HS3ST3B1: variants seen among roughly 807,000 people sequenced by gnomAD.
HS3ST3B1 encodes heparan sulfate glucosamine 3-O-sulfotransferase 3B1.
Under a neutral mutation model 21.3 loss-of-function variants are expected in HS3ST3B1, and 13 were observed. The observed-to-expected ratio is 0.61, with a 90% confidence interval of 0.40 to 0.97. The LOEUF is 0.97. Ranked by LOEUF, HS3ST3B1 falls within the 50% of genes least tolerant of loss-of-function variation. The pLI is 0.00. For synonymous variants in HS3ST3B1, 234 were observed against 254.8 expected, an observed-to-expected ratio of 0.92 and a Z score of 0.78; for missense variants, 459 against 554.8, an observed-to-expected ratio of 0.83 and a Z score of 1.73.
chr17:14,307,770 C>T (rs948829723), intron 1 of HS3ST3B1, among the ~76,000 whole-genome samples: 1 of 152,164 alleles, frequency 6.6e-6, no homozygotes, highest in Non-Finnish European at 1.5e-5. Context: ...GACAGAAACA[C>T]AAAATGCCTA....
At chr17:14,307,615 A>T (rs543196876) in intron 1 of HS3ST3B1, among the ~76,000 whole-genome samples, 2 of 152,316 alleles carry the variant, frequency 1.3e-5, no homozygotes, top group African/African-American at 4.8e-5. Flanking sequence ...CCAGTCAGCT[A>T]GTTTTATGAA....
rs1231259385 is a variant in HS3ST3B1 at position 14,323,705 on chromosome 17, A to T, written c.555-21323A>T. On this transcript the variant is annotated intron_variant, in intron 1 of 1. Coordinates refer to ENST00000360954, the MANE Select transcript of HS3ST3B1 (RefSeq NM_006041.3). Reference sequence around the variant, plus strand: ...TTGTGGTCAGTTGATTCCATTCCTCAGTTTGTTACCTGATAGTCCTGACTG... The same window carrying T: ...TTGTGGTCAGTTGATTCCATTCCTCTGTTTGTTACCTGATAGTCCTGACTG... 2.0e-5 allele frequency among the ~76,000 whole-genome samples: 3 copies of T among 152,132 alleles called. 1 individual carries two copies. The highest frequency in any genetic ancestry group is 7.2e-5 in the African/African-American group (3 of 41,434).
Position 14,301,386 on chromosome 17 carries a change from C to T in HS3ST3B1, c.-133C>T. On this transcript the variant is annotated 5_prime_UTR_variant, in exon 1 of 2. Transcript: ENST00000360954. ...GAAGAGCAGCAGCAGCAGCGGCGGC[C>T]GCGGGCACACGGGGGCAATAAACCG... The T allele has an allele frequency of 1.3e-6, 1 of 759,176 alleles. No homozygotes were observed. The highest frequency in any genetic ancestry group is 3.0e-5 in the South Asian group (1 of 33,136). 47.0% of individuals were successfully genotyped at this position (759,176 alleles called of 1,614,324 possible).
chr17:14,334,904 C>T (rs1361473179), intron 1 of HS3ST3B1, among the ~76,000 whole-genome samples: 1 of 152,140 alleles, frequency 6.6e-6, no homozygotes, highest in Admixed American at 6.5e-5. Flanking sequence ...AAGGGGGCAT[C>T]CTTATTTCCT....
intron 1 of HS3ST3B1, among the ~76,000 whole-genome samples, chr17:14,334,900 G>A (rs1453314478): frequency 2.6e-5 from 4 of 152,154 alleles, no homozygotes; most frequent in Admixed American, 1.3e-4. Flanking sequence ...TTTTAAGGGG[G>A]CATCCTTATT....
At chr17:14,331,647 A>G (rs1910017302) in intron 1 of HS3ST3B1, among the ~76,000 whole-genome samples, 1 of 152,162 alleles carries the variant, frequency 6.6e-6, no homozygotes, top group Non-Finnish European at 1.5e-5. Context: ...AGAAAGGCCT[A>G]GTAAACTTTT....
At chr17:14,318,657 G>C (rs568868415) in intron 1 of HS3ST3B1, among the ~76,000 whole-genome samples, 1 of 152,318 alleles carries the variant, frequency 6.6e-6, no homozygotes, top group South Asian at 2.1e-4. Flanking sequence ...CTGAGAGGTA[G>C]ACTCAAGAGG....
intron 1 of HS3ST3B1, chr17:14,327,942 G>A (rs1037864743): frequency 2.0e-5 from 3 of 152,160 alleles, no homozygotes; most frequent in Non-Finnish European, 4.4e-5. Context: ...AATAGTCACA[G>A]GGTCAGTTTT....
chr17:14,323,631 A>T (rs1340245957), intron 1 of HS3ST3B1, among the ~76,000 whole-genome samples: 1 of 152,092 alleles, frequency 6.6e-6, no homozygotes, highest in African/African-American at 2.4e-5. Flanking sequence ...CATTGAGATA[A>T]CTTCATATTG....
chr17:14,309,166 T>A (rs549221129), intron 1 of HS3ST3B1, among the ~76,000 whole-genome samples: 1 of 152,278 alleles, frequency 6.6e-6, no homozygotes, highest in South Asian at 2.1e-4. Context: ...CCGGGGGCGC[T>A]ACCACGGGCG....
chr17:14,309,968 C>G (rs1405456812), intron 1 of HS3ST3B1, among the ~76,000 whole-genome samples: 1 of 152,190 alleles, frequency 6.6e-6, no homozygotes, highest in East Asian at 1.9e-4. Flanking sequence ...GAGCACGTTT[C>G]GTTTCTCCCT....
chr17:14,340,784 T>C (rs917911798), intron 1 of HS3ST3B1, among the ~76,000 whole-genome samples: 1 of 152,116 alleles, frequency 6.6e-6, no homozygotes, highest in Non-Finnish European at 1.5e-5. Context: ...GGTTTCACCA[T>C]GTTGGCCAGG....
At position 14,302,028 on chromosome 17, in the gene HS3ST3B1, C is replaced by T. The variant is rs762337416; in HGVS notation, c.510C>T (p.Pro170=). 1.1e-5 allele frequency: 17 copies of T among 1,608,184 alleles called. No homozygotes were observed. In the African/African-American group the frequency reaches 2.3e-4, roughly 21 times the overall value. Residue 170 remains proline, a synonymous_variant, in exon 1 of 2, where the codon CCC becomes CCT. Transcript: ENST00000360954. The part of the protein sequence containing the change: ...HPDVRAVGAE[P]HFFDRSYDKG... ...ACGTGCGCGCCGTGGGCGCCGAGCC[C>T]CATTTCTTCGATCGCAGCTACGACA... is the stretch of plus-strand genomic sequence containing the variant.
chr17:14,338,369 C>G (rs1034487091), intron 1 of HS3ST3B1, among the ~76,000 whole-genome samples: 2 of 151,494 alleles, frequency 1.3e-5, no homozygotes, highest in African/African-American at 4.9e-5. Context: ...TGTGATCTGC[C>G]CACCTTGGCC....
intron 1 of HS3ST3B1, among the ~76,000 whole-genome samples, chr17:14,333,467 C>CAAA (rs951066194): frequency 3.9e-5 from 5 of 128,946 alleles, no homozygotes; most frequent in African/African-American, 1.5e-4. Context: ...GACTCCGACT[C>CAAA]AAAAAAAAAA....
In HS3ST3B1 at chr17:14,322,927, A is replaced by G. The variant is rs1166275158; in HGVS notation, c.554+20855A>G. On this transcript the variant is annotated intron_variant, in intron 1 of 1. Transcript: ENST00000360954. ...TTTTTTTTTTTTTTTTTTTGTTGAG[A>G]CAGAGTCTCACCCTGTAACCCAGAC... 1.2e-4 allele frequency among the ~76,000 whole-genome samples: 16 copies of G among 134,332 alleles called. No homozygotes were observed. In the South Asian group the frequency reaches 2.4e-3, roughly 20 times the overall value. The allele number at this position is 134,332 out of a possible 152,430, so 88.1% of individuals were successfully genotyped here.
intron 1 of HS3ST3B1, among the ~76,000 whole-genome samples, chr17:14,326,457 TC>T (rs1294644147): frequency 6.6e-6 from 1 of 152,128 alleles, no homozygotes; most frequent in African/African-American, 2.4e-5. Context: ...TGTTTTCCAA[TC>T]CATTTTTCTA....
intron 1 of HS3ST3B1, among the ~76,000 whole-genome samples, chr17:14,318,515 G>A (rs1403491301): frequency 2.6e-5 from 4 of 152,188 alleles, no homozygotes; most frequent in Admixed American, 2.6e-4. Flanking sequence ...TCACTGTGGA[G>A]GAACTCAGCT....
chr17:14,348,965 G>A lies in HS3ST3B1; in HGVS notation c.*3319G>A, dbSNP rs1910651327. ...TCTTTGGGGGTCATTTTGTGTGACA[G>A]ATATATTTTAGACATTTGGAGAAAC... On this transcript the variant is annotated 3_prime_UTR_variant, in exon 2 of 2. Coordinates refer to ENST00000360954, the MANE Select transcript of HS3ST3B1 (RefSeq NM_006041.3). 6.6e-6 allele frequency: 1 copy of A among 152,176 alleles called. No individual in the cohort carries two copies. Among genetic ancestry groups the A allele is most frequent in the Non-Finnish European group, 1.5e-5 (1 of 68,032 alleles). The allele number at this position is 152,176 out of a possible 1,614,324, so 9.4% of individuals were successfully genotyped here.
Sources: gnomAD v4.1 joint callset for allele counts (sites outside exome capture counted in the v4.1 genomes callset) on GRCh38, gnomAD v4.1.1 for gene constraint, MANE v1.5 for transcripts, NCBI Gene and HGNC (gene_info 2026-07-23, HGNC 2026-07-21) for gene names.